The following CDHR3 variants were observed in gnomAD, a reference collection of about 807,000 sequenced individuals.
CDHR3 encodes the protein cadherin-related family member 3.
Under a neutral mutation model 86.6 loss-of-function variants are expected in CDHR3, and 79 were observed. The ratio of observed to expected loss-of-function variants is 0.91; its 90% CI spans 0.76 to 1.10. CDHR3 has a LOEUF of 1.10. Among genes scored for constraint, CDHR3 ranks in the 50% least tolerant of loss-of-function variants. CDHR3 has a pLI of 0.00. For missense variants in CDHR3, 1,081 were observed against 1,077.6 expected, an observed-to-expected ratio of 1.00 and a Z score of -0.04; for synonymous variants, 421 against 402.4, an observed-to-expected ratio of 1.05 and a Z score of -0.55.
rs747155174 is a variant in CDHR3 at position 106,022,097 on chromosome 7, G to A, written c.1826-101G>A. On this transcript the variant is annotated intron_variant, in intron 13 of 18. Coordinates refer to ENST00000317716, the MANE Select transcript of CDHR3 (RefSeq NM_152750.5). ...GAGACACAGTCTACACTTGAGGTGT[G>A]GACATTTGAGAAAAAGATTGAATGC... 9.1e-5 allele frequency: 126 copies of A among 1,389,638 alleles called. 1 individual carries two copies. The highest frequency in any genetic ancestry group is 1.2e-4 in the Non-Finnish European group (119 of 1,003,498). The allele number at this position is 1,389,638 out of a possible 1,614,324, so 86.1% of individuals were successfully genotyped here.
At position 106,017,564 on chromosome 7, in the gene CDHR3, G is replaced by GACACACACAC. The variant is rs539661927; in HGVS notation, c.1427-246_1427-237dup. On this transcript the variant is annotated intron_variant, in intron 11 of 18. Coordinates refer to ENST00000317716, the MANE Select transcript of CDHR3 (RefSeq NM_152750.5). ...ACAGAGTGAGACTCCGTCACACACA[G>GACACACACAC]ACACACACACACACACACACACACA... Among the ~76,000 whole-genome samples the GACACACACAC allele has an allele frequency of 3.5e-3, 452 of 130,632 alleles. 2 individuals are homozygous for GACACACACAC. The highest frequency in any genetic ancestry group is 0.021 in the South Asian group (82 of 3,916). 85.7% of individuals were successfully genotyped at this position (130,632 alleles called of 152,430 possible).
intron 16 of CDHR3, 128 bp downstream of exon 16, chr7:106,026,823 T>G: frequency 1.0e-6 from 1 of 993,136 alleles, no homozygotes; most frequent in Non-Finnish European, 1.6e-6. Context: ...CTGCATCTTC[T>G]GTGGCTGGAA....
In CDHR3 at chr7:106,032,637, A is replaced by C. The variant is rs764954340; in HGVS notation, c.2598A>C (p.Pro866=). Residue 866 remains proline, a synonymous_variant, in exon 19 of 19, where the codon CCA becomes CCC. Transcript: ENST00000317716. ...ATGAGGGTGGCAAGCTGGGCAACCC[A>C]AAGAACAGAAATCCAGCCTTCATGA... ...SRNEGGKLGN[P]KNRNPAFMNR... The C allele has an allele frequency of 1.4e-4, 219 of 1,613,742 alleles. No individual in the cohort carries two copies. Among genetic ancestry groups the C allele is most frequent in the Non-Finnish European group, 1.8e-4 (207 of 1,179,830 alleles).
At chr7:105,992,772 C>T (rs886261308) in intron 4 of CDHR3, among the ~76,000 whole-genome samples, 45 of 152,034 alleles carry the variant, frequency 3.0e-4, no homozygotes, top group African/African-American at 7.7e-4. Context: ...GGAGGGTATA[C>T]GTTTGCATAG....
intron 4 of CDHR3, among the ~76,000 whole-genome samples, chr7:105,991,347 GC>G (rs1563253856): frequency 6.6e-6 from 1 of 151,696 alleles, no homozygotes; most frequent in African/African-American, 2.4e-5. Flanking sequence ...CATTAACACA[GC>G]TCTTAGGTTC....
intron 6 of CDHR3, among the ~76,000 whole-genome samples, chr7:105,998,462 A>G (rs1423081820): frequency 1.3e-5 from 2 of 152,216 alleles, no homozygotes; most frequent in African/African-American, 4.8e-5. Context: ...ATGCTCCAGG[A>G]GTCTGCCATT....
At chr7:106,022,054 T>G (rs1185126342) in intron 13 of CDHR3, 144 bp from the exon 14 acceptor site, 2 of 1,004,934 alleles carry the variant, frequency 2.0e-6, no homozygotes, top group African/African-American at 3.2e-5. Flanking sequence ...ATATAACTAA[T>G]CCAGCTCTGG....
intron 18 of CDHR3, among the ~76,000 whole-genome samples, chr7:106,031,387 A>G (rs1352552076): frequency 6.6e-6 from 1 of 152,246 alleles, no homozygotes; most frequent in East Asian, 1.9e-4. Context: ...CCGTGAAATC[A>G]GCTCCAAATT....
chr7:106,019,719 C>T (rs1836255831), intron 12 of CDHR3, among the ~76,000 whole-genome samples: 1 of 152,148 alleles, frequency 6.6e-6, no homozygotes, highest in Non-Finnish European at 1.5e-5. Flanking sequence ...GTGCTAATAG[C>T]CCAGGTTACA....
intron 7 of CDHR3, 115 bp downstream of exon 7, chr7:106,001,725 T>C (rs1057472346): frequency 7.5e-7 from 1 of 1,328,558 alleles, no homozygotes; most frequent in Non-Finnish European, 1.0e-6. Context: ...GCACCGTGGA[T>C]ACCAAAATCC....
chr7:106,003,826 T>A (rs1414917075), intron 7 of CDHR3, among the ~76,000 whole-genome samples: 1 of 151,998 alleles, frequency 6.6e-6, no homozygotes, highest in Non-Finnish European at 1.5e-5. Flanking sequence ...TGATGCCCTG[T>A]CAGCTGATAG....
intron 15 of CDHR3, among the ~76,000 whole-genome samples, chr7:106,026,025 C>T (rs1187468607): frequency 6.6e-6 from 1 of 152,184 alleles, no homozygotes; most frequent in African/African-American, 2.4e-5. Context: ...CACCTTGAAC[C>T]TGGTTCTTTT....
chr7:106,024,230 T>G, intron 14 of CDHR3, 151 bp from the exon 15 acceptor site: 1 of 664,860 alleles, frequency 1.5e-6, no homozygotes, highest in East Asian at 2.8e-5. Context: ...AGGTGATGGG[T>G]TGAAGCAGCA....
chr7:105,981,155 A>C (rs763841372), intron 3 of CDHR3, 22 bp downstream of exon 3: 1 of 1,608,140 alleles, frequency 6.2e-7, no homozygotes, highest in Non-Finnish European at 8.5e-7. Context: ...CAGGATGTGC[A>C]CTGCAGCCCA....
chr7:106,003,796 C>T (rs1232546292), intron 7 of CDHR3, among the ~76,000 whole-genome samples: 2 of 152,080 alleles, frequency 1.3e-5, no homozygotes, highest in Non-Finnish European at 2.9e-5. Flanking sequence ...AATAATTGTG[C>T]ACTGCCTCTG....
At position 106,017,849 on chromosome 7, in the gene CDHR3, G is replaced by A. The variant is rs549791594; in HGVS notation, c.1430G>A (p.Arg477Lys). The change falls in exon 12 of 19, where the codon AGA becomes AAA. Residue 477 changes from arginine (R) to lysine (K), a missense_variant. Arg to Lys is a conservative substitution (Grantham distance 26). Transcript: ENST00000317716. ...VFDVSERRPA[R>K]TRVGQVRATD... Reference sequence around the variant, plus strand: ...TGCAGGTACTTTATTCCTCCAGCCAGAACCCGAGTGGGACAGGTGCGAGCC... The same window carrying A: ...TGCAGGTACTTTATTCCTCCAGCCAAAACCCGAGTGGGACAGGTGCGAGCC... 9.0e-5 allele frequency: 142 copies of A among 1,572,744 alleles called. 1 individual carries two copies. In the South Asian group the frequency reaches 1.6e-3, roughly 18 times the overall value.
chr7:106,001,708 C>A, intron 7 of CDHR3, 98 bp downstream of exon 7: 1 of 1,477,898 alleles, frequency 6.8e-7, no homozygotes, highest in South Asian at 1.2e-5. Flanking sequence ...AGAATTGGTT[C>A]TAGGATGCAC....
intron 4 of CDHR3, among the ~76,000 whole-genome samples, chr7:105,986,601 G>A (rs1227234608): frequency 6.6e-6 from 1 of 152,192 alleles, no homozygotes; most frequent in African/African-American, 2.4e-5. Flanking sequence ...AGGGAAAACT[G>A]TATTTTTATG....
rs146749997 is a variant in CDHR3, at chr7:105,972,274, G to T, written c.47-2570G>T. Reference sequence around the variant, plus strand: ...AGCTAGCATGATGCCAGCTGAGCAGGTGCTTGATAAATGAAATGGGTACTT... The same window carrying T: ...AGCTAGCATGATGCCAGCTGAGCAGTTGCTTGATAAATGAAATGGGTACTT... On this transcript the variant is annotated intron_variant, in intron 1 of 18. Transcript: ENST00000317716. Among the ~76,000 whole-genome samples the T allele has an allele frequency of 6.5e-4, 99 of 152,300 alleles. 1 individual carries two copies. The East Asian group carries it at 0.017, about 26-fold the overall frequency.
Sources: allele counts gnomAD v4.1 joint callset (sites outside exome capture counted in the v4.1 genomes callset), GRCh38; gene constraint gnomAD v4.1.1; transcripts MANE v1.5; gene names NCBI Gene and HGNC (gene_info 2026-07-23, HGNC 2026-07-21).